Variants in PID1 observed in about 807,000 individuals in gnomAD.
PID1 encodes phosphotyrosine interaction domain containing 1.
Under a neutral mutation model 19.1 loss-of-function variants are expected in PID1, and 10 were observed. That is an observed-to-expected ratio of 0.52 (90% CI 0.32 to 0.89). The LOEUF (loss-of-function observed/expected upper bound fraction) is 0.89, where lower values mean the gene tolerates loss of function less well. PID1 is among the 40% of genes least tolerant of loss of function. The pLI is 0.03. For missense variants in PID1, 248 were observed against 285.3 expected (o/e 0.87, Z 0.94); for synonymous variants, 130 against 116.0 (o/e 1.12, Z -0.78).
chr2:229,258,601 A>G (rs950863745), intron 1 of PID1, among the ~76,000 whole-genome samples: 1 of 152,176 alleles, frequency 6.6e-6, no homozygotes, highest in African/African-American at 2.4e-5. Context: ...AAGCTGCACA[A>G]TTTGATTTGT....
intron 1 of PID1, among the ~76,000 whole-genome samples, chr2:229,222,912 T>C (rs1342036475): frequency 6.6e-6 from 1 of 151,368 alleles, no homozygotes; most frequent in Non-Finnish European, 1.5e-5. Flanking sequence ...TGTACCCTAT[T>C]GGTTCTGTTT....
intron 1 of PID1, among the ~76,000 whole-genome samples, chr2:229,213,191 C>T (rs540902434): frequency 1.3e-5 from 2 of 152,108 alleles, no homozygotes; most frequent in Non-Finnish European, 1.5e-5. Flanking sequence ...CCATTTGTCA[C>T]TGGCAAAATG....
intron 2 of PID1, among the ~76,000 whole-genome samples, chr2:229,110,752 T>C (rs1457492517): frequency 6.6e-6 from 1 of 152,178 alleles, no homozygotes; most frequent in Non-Finnish European, 1.5e-5. Flanking sequence ...AGTCCTTGGC[T>C]GGGATGTTGG....
intron 1 of PID1, among the ~76,000 whole-genome samples, chr2:229,235,128 A>G (rs868044109): frequency 7.9e-5 from 12 of 152,010 alleles, no homozygotes; most frequent in Middle Eastern, 3.2e-3. Flanking sequence ...TTCACCACTC[A>G]GTTCCTACAA....
chr2:229,139,697 C>T (rs1689970817), intron 2 of PID1, among the ~76,000 whole-genome samples: 2 of 152,090 alleles, frequency 1.3e-5, no homozygotes, highest in South Asian at 4.1e-4. Flanking sequence ...AATCTCAGAC[C>T]GTGGCCAAAG....
At chr2:229,146,802 T>C (rs1299770171) in intron 2 of PID1, among the ~76,000 whole-genome samples, 10 of 152,064 alleles carry the variant, frequency 6.6e-5, no homozygotes, top group Non-Finnish European at 1.5e-4. Context: ...GGAGGTTTGA[T>C]AGAGACAGAA....
chr2:229,065,871 C>T lies in PID1; in HGVS notation c.178-39763G>A, dbSNP rs575064632. ...TACTCCAGTGGTCAAATGGATTCGC[C>T]AGTAGTGGATGAAAATAATTTGTAT... On this transcript the variant is annotated intron_variant, in intron 2 of 2. Coordinates refer to ENST00000392055, the MANE Select transcript of PID1 (RefSeq NM_001100818.2). Among the ~76,000 whole-genome samples the T allele has an allele frequency of 4.6e-5, 7 of 152,186 alleles. No individual in the cohort carries two copies. The South Asian group carries it at 1.5e-3, about 32-fold the overall frequency.
intron 2 of PID1, among the ~76,000 whole-genome samples, chr2:229,030,790 T>C (rs1312576019): frequency 6.6e-6 from 1 of 152,166 alleles, no homozygotes; most frequent in African/African-American, 2.4e-5. Flanking sequence ...ACCTATAAAA[T>C]AAAGATTTTG....
At chr2:229,104,437 T>G (rs1380848921) in intron 2 of PID1, among the ~76,000 whole-genome samples, 1 of 152,246 alleles carries the variant, frequency 6.6e-6, no homozygotes, top group Non-Finnish European at 1.5e-5. Context: ...TAACCAACTA[T>G]ATGTTTTATC....
intron 2 of PID1, among the ~76,000 whole-genome samples, chr2:229,047,865 T>C (rs994924300): frequency 6.6e-6 from 1 of 152,206 alleles, no homozygotes; most frequent in Non-Finnish European, 1.5e-5. Context: ...ACAAAGGTTT[T>C]TGAATGGCTT....
rs565032518 is a variant in PID1, at chr2:229,239,635, T to A, written c.30+31379A>T. ...ATAAACCTTTTAAATGATGATCTCT[T>A]AAGCTCCATTTTCTAATATATTCAA... On this transcript the variant is annotated intron_variant, in intron 1 of 2. Transcript: ENST00000392055. Among the ~76,000 whole-genome samples, 6 of 152,294 alleles carry A rather than the reference T, an allele frequency of 3.9e-5. No homozygotes were observed. In the South Asian group the frequency reaches 1.2e-3, roughly 32 times the overall value.
rs112185693 is a variant in PID1, at chr2:229,122,911, A to G, written c.177+32907T>C. 1.7e-3 allele frequency among the ~76,000 whole-genome samples: 263 copies of G among 152,280 alleles called. 2 individuals are homozygous for G. Among genetic ancestry groups the G allele is most frequent in the African/African-American group, 6.1e-3 (255 of 41,550 alleles). On this transcript the variant is annotated intron_variant, in intron 2 of 2. Transcript: ENST00000392055. ...ACTGGAACCCGCTGTACAGCATTAT[A>G]AACTACTGAGCTAGCAAACCCTCCC...
chr2:229,228,692 T>C (rs370982477), intron 1 of PID1, among the ~76,000 whole-genome samples: 1 of 151,784 alleles, frequency 6.6e-6, no homozygotes, highest in Non-Finnish European at 1.5e-5. Flanking sequence ...CAGAAACATA[T>C]GTGGATAGAT....
chr2:229,111,225 T>A (rs527490071), intron 2 of PID1, among the ~76,000 whole-genome samples: 4 of 152,228 alleles, frequency 2.6e-5, no homozygotes, highest in African/African-American at 9.6e-5. Context: ...GCAGTGAGAA[T>A]GGACTAATAC....
chr2:229,236,256 T>C (rs1046080352), intron 1 of PID1: 2 of 152,042 alleles, frequency 1.3e-5, no homozygotes, highest in African/African-American at 4.8e-5. Flanking sequence ...AGAAGTCTCC[T>C]TAACATAAAC....
intron 2 of PID1, among the ~76,000 whole-genome samples, chr2:229,071,669 T>C (rs1559220225): frequency 6.6e-6 from 1 of 152,204 alleles, no homozygotes; most frequent in Non-Finnish European, 1.5e-5. Context: ...AGGATAAAAT[T>C]TTAACTCTAC....
chr2:229,091,128 T>A (rs1054681271), intron 2 of PID1, among the ~76,000 whole-genome samples: 5 of 152,192 alleles, frequency 3.3e-5, no homozygotes, highest in African/African-American at 4.8e-5. Flanking sequence ...ATAAACATAC[T>A]TCCATCTATA....
At chr2:229,130,032 T>A (rs1257291128) in intron 2 of PID1, among the ~76,000 whole-genome samples, 1 of 152,124 alleles carries the variant, frequency 6.6e-6, no homozygotes, top group Non-Finnish European at 1.5e-5. Flanking sequence ...GACACTTAGC[T>A]CTTAAAGAGC....
At chr2:229,085,253 G>A (rs1694742627) in intron 2 of PID1, among the ~76,000 whole-genome samples, 1 of 151,302 alleles carries the variant, frequency 6.6e-6, no homozygotes, top group African/African-American at 2.4e-5. Flanking sequence ...GCAAGTACAG[G>A]TATTGTCTTC....
Sources: gnomAD v4.1 joint callset for allele counts (sites outside exome capture counted in the v4.1 genomes callset) on GRCh38, gnomAD v4.1.1 for gene constraint, MANE v1.5 for transcripts, NCBI Gene and HGNC (gene_info 2026-07-23, HGNC 2026-07-21) for gene names.